The following LTAP1 variants were observed in gnomAD, a reference collection of about 807,000 sequenced individuals.
LTAP1 encodes the protein lipid transport auxiliary protein 1.
the LTAP1 span, chr1:154,220,173 G>C: frequency 2.3e-6 from 2 of 871,186 alleles, no homozygotes; most frequent in Non-Finnish European, 1.9e-6. Context: ...AACGAGGGCG[G>C]GTCGGCCCGA....
chr1:154,209,570 A>T, the LTAP1 span, among the ~76,000 whole-genome samples: 2 of 151,146 alleles, frequency 1.3e-5, no homozygotes, highest in Non-Finnish European at 2.9e-5. Flanking sequence ...GACTACAGGT[A>T]GGTGGTCGCC....
chr1:154,219,982 G>GT, the LTAP1 span: 3,078 of 1,396,986 alleles, frequency 2.2e-3, 37 homozygotes, highest in African/African-American at 0.038. Flanking sequence ...AGTCAGTTTT[G>GT]TTTTGTTTTT....
the LTAP1 span, among the ~76,000 whole-genome samples, chr1:154,217,424 G>A: frequency 6.6e-6 from 1 of 152,184 alleles, no homozygotes; most frequent in Non-Finnish European, 1.5e-5. Context: ...CAGGCAACAT[G>A]ATGTACTCTT....
At chr1:154,212,263 G>T in the LTAP1 span, 8 of 1,570,850 alleles carry the variant, frequency 5.1e-6, no homozygotes, top group African/African-American at 1.3e-5. Flanking sequence ...CTGCACTGTG[G>T]CAACAGTCCA....
the LTAP1 span, among the ~76,000 whole-genome samples, chr1:154,209,423 GTTTT>G: frequency 5.9e-5 from 6 of 101,842 alleles, no homozygotes; most frequent in Admixed American, 1.2e-4. Flanking sequence ...GCTCTAAGCA[GTTTT>G]TTTTTTTTTT....
At chr1:154,216,400 T>C in the LTAP1 span, among the ~76,000 whole-genome samples, 47 of 152,134 alleles carry the variant, frequency 3.1e-4, no homozygotes, top group African/African-American at 9.9e-4. Context: ...AATGGCACAA[T>C]CTCAGCTCAC....
At chr1:154,208,954 G>A in the LTAP1 span, among the ~76,000 whole-genome samples, 4 of 152,042 alleles carry the variant, frequency 2.6e-5, no homozygotes, top group African/African-American at 7.2e-5. Context: ...CACCATGTTG[G>A]CCAGGCTGGT....
chr1:154,216,100 G>A, the LTAP1 span, among the ~76,000 whole-genome samples: 1 of 152,070 alleles, frequency 6.6e-6, no homozygotes, highest in African/African-American at 2.4e-5. Flanking sequence ...GCCTCCCAAA[G>A]TGCTGGGATT....
chr1:154,216,073 A>G, the LTAP1 span, among the ~76,000 whole-genome samples: 7 of 151,868 alleles, frequency 4.6e-5, no homozygotes, highest in African/African-American at 1.5e-4. Context: ...TGCTGACCTC[A>G]TGATCCACCC....
At chr1:154,220,005 C>T in the LTAP1 span, 2 of 1,278,038 alleles carry the variant, frequency 1.6e-6, no homozygotes, top group Non-Finnish European at 1.1e-6. Flanking sequence ...TTTAAAAAAG[C>T]ATGCCTTCAT....
the LTAP1 span, chr1:154,220,066 G>A: frequency 1.2e-6 from 1 of 853,352 alleles, no homozygotes; most frequent in Non-Finnish European, 1.8e-6. Context: ...TAAAACTTGG[G>A]GCAAAGCAAG....
At chr1:154,208,911 C>T in the LTAP1 span, among the ~76,000 whole-genome samples, 2 of 152,090 alleles carry the variant, frequency 1.3e-5, no homozygotes, top group African/African-American at 4.8e-5. Flanking sequence ...CAATGCCCAG[C>T]CAATTTTTCT....
chr1:154,215,407 A>G, the LTAP1 span, among the ~76,000 whole-genome samples: 1 of 151,932 alleles, frequency 6.6e-6, no homozygotes, highest in Non-Finnish European at 1.5e-5. Flanking sequence ...TCTACTAAAA[A>G]TACAAAAAAT....
At chr1:154,220,194 T>C in the LTAP1 span, 1 of 1,042,570 alleles carries the variant, frequency 9.6e-7, no homozygotes, top group Non-Finnish European at 1.5e-6. Context: ...CTAAGTGACT[T>C]AAACTCCCAC....
At chr1:154,220,004 G>A in the LTAP1 span, 1 of 1,290,544 alleles carries the variant, frequency 7.7e-7, no homozygotes, top group Non-Finnish European at 1.1e-6. Context: ...TTTTAAAAAA[G>A]CATGCCTTCA....
the LTAP1 span, chr1:154,220,420 T>G: frequency 1.2e-6 from 2 of 1,614,136 alleles, no homozygotes; most frequent in South Asian, 1.1e-5. Flanking sequence ...CCTCCCTACC[T>G]CGCGCAGAAT....
At chr1:154,211,322 T>C in the LTAP1 span, among the ~76,000 whole-genome samples, 1 of 123,076 alleles carries the variant, frequency 8.1e-6, no homozygotes, top group African/African-American at 3.5e-5. Context: ...TGTTATTTAA[T>C]TCTTTTTTTT....
chr1:154,212,384 G>C, the LTAP1 span: 3 of 1,614,114 alleles, frequency 1.9e-6, no homozygotes, highest in Non-Finnish European at 2.5e-6. Context: ...AAGACCTTAG[G>C]AAAGAGAAAG....
At chr1:154,220,299 G>A in the LTAP1 span, 1 of 1,608,906 alleles carries the variant, frequency 6.2e-7, no homozygotes, top group Non-Finnish European at 8.5e-7. Context: ...GTCTCTACTG[G>A]GTAAGATGCG....
Sources: gnomAD v4.1 joint callset for allele counts (sites outside exome capture counted in the v4.1 genomes callset) on GRCh38, gnomAD v4.1.1 for gene constraint, MANE v1.5 for transcripts, NCBI Gene and HGNC (gene_info 2026-07-23, HGNC 2026-07-21) for gene names.